CRTC3: variants seen among roughly 807,000 people sequenced by gnomAD.
CRTC3 encodes the protein CREB-regulated transcription coactivator 3.
A neutral mutation model predicts 74.5 loss-of-function variants in CRTC3; 26 were observed. That is an observed-to-expected ratio of 0.35 (90% confidence interval 0.26 to 0.48). CRTC3 has a LOEUF of 0.48. CRTC3 is among the 20% of genes least tolerant of loss of function. The pLI is 0.99. For missense variants in CRTC3, 760 were observed against 787.3 expected (o/e 0.97, Z 0.41); for synonymous variants, 377 against 325.8 (o/e 1.16, Z -1.69).
At chr15:90,586,189 G>A (rs1188030247) in intron 2 of CRTC3, among the ~76,000 whole-genome samples, 1 of 152,048 alleles carries the variant, frequency 6.6e-6, no homozygotes, top group Non-Finnish European at 1.5e-5. Context: ...GCTACTAAGA[G>A]TTGTCTTATG....
chr15:90,606,181 G>A (rs1210184040), intron 5 of CRTC3, among the ~76,000 whole-genome samples: 4 of 152,134 alleles, frequency 2.6e-5, no homozygotes, highest in Admixed American at 2.0e-4. Context: ...GCTTGAACCC[G>A]GGAGGCAGAG....
At chr15:90,542,966 A>T (rs553980492) in intron 2 of CRTC3, among the ~76,000 whole-genome samples, 9 of 152,126 alleles carry the variant, frequency 5.9e-5, no homozygotes, top group African/African-American at 2.2e-4. Context: ...CATGATTTTG[A>T]TGTGTCCTGT....
chr15:90,619,846 A>G (rs1307789379), intron 9 of CRTC3, 56 bp downstream of exon 9: 5 of 1,416,762 alleles, frequency 3.5e-6, no homozygotes, highest in East Asian at 4.5e-5. Flanking sequence ...GTTTTTCCCA[A>G]AAGTCTCGCT....
chr15:90,542,175 C>T (rs1480030655), intron 2 of CRTC3, among the ~76,000 whole-genome samples: 1 of 145,176 alleles, frequency 6.9e-6, no homozygotes, highest in Non-Finnish European at 1.5e-5. Flanking sequence ...AAGTATAGTC[C>T]ACTTAATTTT....
At chr15:90,596,504 T>C (rs2151079270) in intron 3 of CRTC3, 1 of 152,200 alleles carries the variant, frequency 6.6e-6, no homozygotes, top group African/African-American at 2.4e-5. Context: ...TATTAGACAG[T>C]ATGAGTCAGA....
intron 2 of CRTC3, among the ~76,000 whole-genome samples, chr15:90,567,140 AG>A (rs1307196339): frequency 2.0e-5 from 3 of 152,138 alleles, no homozygotes; most frequent in Non-Finnish European, 4.4e-5. Flanking sequence ...GGTGACTTGA[AG>A]TGGTTTCAAA....
chr15:90,629,955 C>T (rs1447778503), intron 11 of CRTC3, among the ~76,000 whole-genome samples: 1 of 152,162 alleles, frequency 6.6e-6, no homozygotes, highest in Non-Finnish European at 1.5e-5. Context: ...AATGCCTGGA[C>T]TCAAGCCATC....
chr15:90,603,077 A>G (rs888326836), intron 4 of CRTC3, among the ~76,000 whole-genome samples: 7 of 152,160 alleles, frequency 4.6e-5, no homozygotes, highest in African/African-American at 1.7e-4. Context: ...TTAAAACCAA[A>G]TAGAAACACT....
chr15:90,592,924 G>A (rs946484218), intron 2 of CRTC3, among the ~76,000 whole-genome samples: 1 of 152,108 alleles, frequency 6.6e-6, no homozygotes, highest in Non-Finnish European at 1.5e-5. Flanking sequence ...AGGCTGAGGT[G>A]GGCTGATCAC....
chr15:90,545,800 C>G (rs7497276), intron 2 of CRTC3, among the ~76,000 whole-genome samples: 119,076 of 151,916 alleles, frequency 0.78, 46,765 homozygotes, highest in African/African-American at 0.8. Context: ...GGATGGTCTC[C>G]ATCTCCTGAC....
rs1340627715 is a variant in CRTC3, at chr15:90,541,788, TTC to T, written c.231+1653_231+1654del. Among the ~76,000 whole-genome samples, 54 of 139,818 alleles carry T rather than the reference TTC, an allele frequency of 3.9e-4. 7 individuals carry two copies. The highest frequency in any genetic ancestry group is 1.2e-3 in the African/African-American group (42 of 34,984). 91.7% of individuals were successfully genotyped at this position (139,818 alleles called of 152,430 possible). On this transcript the variant is annotated intron_variant, in intron 2 of 14. Coordinates refer to ENST00000268184, the MANE Select transcript of CRTC3 (RefSeq NM_022769.5). ...CCTTGGCCTTCCCAGGATTCTTTTT[TTC>T]TTTTTTTTTTTTTGAGATGGAGTCT...
At chr15:90,576,603 G>C (rs1967410031) in intron 2 of CRTC3, among the ~76,000 whole-genome samples, 1 of 152,138 alleles carries the variant, frequency 6.6e-6, no homozygotes, top group South Asian at 2.1e-4. Flanking sequence ...CAGCACTAAA[G>C]GATGGTCAGG....
chr15:90,575,211 C>T (rs767142516), intron 2 of CRTC3, among the ~76,000 whole-genome samples: 3 of 152,142 alleles, frequency 2.0e-5, no homozygotes, highest in Middle Eastern at 3.4e-3. Flanking sequence ...ATTAGATGGG[C>T]GTTGTGGCAG....
chr15:90,633,031 A>C (rs1019202586), intron 11 of CRTC3, among the ~76,000 whole-genome samples: 1 of 151,896 alleles, frequency 6.6e-6, no homozygotes, highest in Non-Finnish European at 1.5e-5. Flanking sequence ...CCACACACAT[A>C]TGTGCGCACA....
chr15:90,566,899 CA>C (rs2151068074), intron 2 of CRTC3, among the ~76,000 whole-genome samples: 1 of 152,028 alleles, frequency 6.6e-6, no homozygotes, highest in Admixed American at 6.6e-5. Flanking sequence ...TTAGCAGAGA[CA>C]GGGTTTCACT....
At position 90,530,526 on chromosome 15, in the gene CRTC3, G is replaced by A. The variant is rs1966608952; in HGVS notation, c.132+323G>A. ...GGAGGAGGACGAGGAGCCCCGAGAG[G>A]AAATCGCAAACAGCTCGGAGGCCGG... On this transcript the variant is annotated intron_variant, in intron 1 of 14. Transcript: ENST00000268184. The surrounding 1 kb of genome is among the most constrained non-coding windows in gnomAD (Gnocchi z 6.2). The A allele has an allele frequency of 6.5e-6, 1 of 152,738 alleles. No homozygotes were observed. The allele number at this position is 152,738 out of a possible 1,614,324, so 9.5% of individuals were successfully genotyped here.
At chr15:90,532,824 C>G (rs983059338) in intron 1 of CRTC3, among the ~76,000 whole-genome samples, 1 of 152,152 alleles carries the variant, frequency 6.6e-6, no homozygotes, top group Admixed American at 6.5e-5. Flanking sequence ...TGGTGGTTCA[C>G]GCCTGTAATC....
chr15:90,565,660 T>G (rs1967107462), intron 2 of CRTC3, among the ~76,000 whole-genome samples: 1 of 152,234 alleles, frequency 6.6e-6, no homozygotes, highest in Non-Finnish European at 1.5e-5. Flanking sequence ...CAGTAAATCT[T>G]GCAACATTTC....
chr15:90,545,215 T>A (rs1041729612), intron 2 of CRTC3, among the ~76,000 whole-genome samples: 1 of 152,196 alleles, frequency 6.6e-6, no homozygotes, highest in African/African-American at 2.4e-5. Flanking sequence ...TCATTGTATG[T>A]GGATGCCACA....
Sources: gnomAD v4.1 joint callset for allele counts (sites outside exome capture counted in the v4.1 genomes callset) on GRCh38, gnomAD v4.1.1 for gene constraint, Gnocchi (gnomAD v3.1) non-coding constraint, MANE v1.5 for transcripts, NCBI Gene and HGNC (gene_info 2026-07-23, HGNC 2026-07-21) for gene names.